Variants in TENM3 observed in about 807,000 individuals in gnomAD.
TENM3 encodes teneurin transmembrane protein 3, also known as teneurin-3.
Under a neutral mutation model 255.1 loss-of-function variants are expected in TENM3, and 63 were observed. The observed-to-expected ratio is 0.25, with a 90% CI of 0.20 to 0.30. The LOEUF is 0.30. Ranked by LOEUF, TENM3 falls within the 10% of genes least tolerant of loss-of-function variation. The pLI is 1.00. For missense variants in TENM3, 2,929 were observed against 3,461.1 expected, an observed-to-expected ratio of 0.85 and a Z score of 3.86; for synonymous variants, 1,306 against 1,322.3, an observed-to-expected ratio of 0.99 and a Z score of 0.27.
the TENM3 span, among the ~76,000 whole-genome samples, chr4:181,986,069 T>C: frequency 1.2e-4 from 18 of 152,108 alleles, no homozygotes; most frequent in Admixed American, 3.3e-4. Context: ...TCTAGTTGGC[T>C]GAACGACCAA....
the TENM3 span, among the ~76,000 whole-genome samples, chr4:182,052,259 C>G: frequency 6.6e-6 from 1 of 152,080 alleles, no homozygotes; most frequent in Admixed American, 6.5e-5. Flanking sequence ...GAACAGGCAC[C>G]TGAGTTACAC....
the TENM3 span, among the ~76,000 whole-genome samples, chr4:181,468,307 C>G: frequency 1.3e-5 from 2 of 151,956 alleles, no homozygotes; most frequent in Admixed American, 1.3e-4. Context: ...AATAAATAAC[C>G]AAAAAGCAAA....
intron 1 of TENM3, among the ~76,000 whole-genome samples, chr4:182,151,977 A>G (rs78774707): frequency 0.12 from 17,718 of 152,042 alleles, 1,192 homozygotes; most frequent in South Asian, 0.23. Context: ...TTAAAAGGAT[A>G]TGGCTGAATT....
intron 1 of TENM3, among the ~76,000 whole-genome samples, chr4:182,197,859 C>G (rs112179643): frequency 2.6e-5 from 4 of 152,204 alleles, no homozygotes; most frequent in African/African-American, 9.6e-5. Flanking sequence ...AATCCCAGCA[C>G]TTCGGGAGGC....
chr4:181,554,524 C>T, the TENM3 span, among the ~76,000 whole-genome samples: 1 of 152,176 alleles, frequency 6.6e-6, no homozygotes, highest in Admixed American at 6.5e-5. Flanking sequence ...CACCTCTGAA[C>T]TTAAGATAAA....
the TENM3 span, among the ~76,000 whole-genome samples, chr4:181,954,144 C>G: frequency 6.6e-6 from 1 of 152,122 alleles, no homozygotes; most frequent in Non-Finnish European, 1.5e-5. Flanking sequence ...TTGAATACAC[C>G]TACTATAATT....
intron 5 of TENM3, among the ~76,000 whole-genome samples, chr4:182,641,058 G>A (rs77305414): frequency 0.049 from 7,395 of 152,276 alleles, 268 homozygotes; most frequent in East Asian, 0.19. Context: ...CTCACAGCCA[G>A]CCGAACTTGA....
chr4:181,862,101 C>T, the TENM3 span, among the ~76,000 whole-genome samples: 1 of 152,024 alleles, frequency 6.6e-6, no homozygotes, highest in Non-Finnish European at 1.5e-5. Context: ...TAGATACTGT[C>T]ATTATTTGAT....
chr4:182,179,704 T>G (rs1405210592), intron 1 of TENM3, among the ~76,000 whole-genome samples: 1 of 152,256 alleles, frequency 6.6e-6, no homozygotes, highest in African/African-American at 2.4e-5. Context: ...TTGATTCAAC[T>G]TTCAAGTTCA....
intron 23 of TENM3, chr4:182,773,895 T>G (rs867265010): frequency 3.0e-5 from 10 of 331,418 alleles, no homozygotes; most frequent in Middle Eastern, 1.6e-3. Flanking sequence ...TAAAACAACT[T>G]CATTCCAGCC....
At chr4:181,987,353 C>A in the TENM3 span, among the ~76,000 whole-genome samples, 1 of 152,108 alleles carries the variant, frequency 6.6e-6, no homozygotes, top group Non-Finnish European at 1.5e-5. Flanking sequence ...AACGGAGCCC[C>A]TGAGAGAGAT....
chr4:182,350,874 G>A (rs533233795), intron 3 of TENM3, among the ~76,000 whole-genome samples: 5 of 152,044 alleles, frequency 3.3e-5, no homozygotes, highest in Admixed American at 1.3e-4. Flanking sequence ...TAGTAGAGAC[G>A]GGGTTTCACC....
At chr4:182,162,869 G>A (rs374782391) in intron 1 of TENM3, among the ~76,000 whole-genome samples, 8 of 152,100 alleles carry the variant, frequency 5.3e-5, no homozygotes, top group African/African-American at 9.7e-5. Flanking sequence ...AATTCCCGTC[G>A]AAAGGCCCCT....
the TENM3 span, among the ~76,000 whole-genome samples, chr4:181,567,276 G>C: frequency 6.6e-6 from 1 of 152,112 alleles, no homozygotes; most frequent in East Asian, 1.9e-4. Context: ...TGCGCCCTTA[G>C]TAAATTCTAA....
chr4:181,472,449 G>A, the TENM3 span, among the ~76,000 whole-genome samples: 72 of 151,706 alleles, frequency 4.7e-4, no homozygotes, highest in African/African-American at 1.6e-3. Flanking sequence ...GTAGAGAGCA[G>A]GAAGGGTGGG....
chr4:181,756,999 CCTGT>C, the TENM3 span, among the ~76,000 whole-genome samples: 1 of 152,048 alleles, frequency 6.6e-6, no homozygotes, highest in Non-Finnish European at 1.5e-5. Flanking sequence ...AAAGAGAAAC[CCTGT>C]CTGTGTGTGA....
chr4:181,750,898 G>A, the TENM3 span, among the ~76,000 whole-genome samples: 1 of 152,138 alleles, frequency 6.6e-6, no homozygotes, highest in Non-Finnish European at 1.5e-5. Flanking sequence ...TGCATTTTTA[G>A]AAAAGGACAA....
At position 182,628,535 on chromosome 4, in the gene TENM3, TC is replaced by T; in HGVS notation, c.750-115del. The T allele has an allele frequency of 4.5e-6, 3 of 664,894 alleles. No homozygotes were observed. In the South Asian group the frequency reaches 5.9e-5, roughly 13 times the overall value. The allele number at this position is 664,894 out of a possible 1,614,324, so 41.2% of individuals were successfully genotyped here. On this transcript the variant is annotated intron_variant, in intron 4 of 27. Transcript: ENST00000511685. Reference sequence around the variant, plus strand: ...ATGTTTTAGGTTATATAGGATAAATTCTTTTAAAAAAGAGAGAGAGAGCAAA... The same window carrying T: ...ATGTTTTAGGTTATATAGGATAAATTTTTTAAAAAAGAGAGAGAGAGCAAA...
At chr4:181,877,708 A>G in the TENM3 span, among the ~76,000 whole-genome samples, 2 of 152,092 alleles carry the variant, frequency 1.3e-5, no homozygotes, top group Admixed American at 6.5e-5. Flanking sequence ...CAGTCATCAC[A>G]TCTCTCTTCC....
Sources: allele counts gnomAD v4.1 joint callset (sites outside exome capture counted in the v4.1 genomes callset), GRCh38; gene constraint gnomAD v4.1.1; transcripts MANE v1.5; gene names NCBI Gene and HGNC (gene_info 2026-07-23, HGNC 2026-07-21).